DNAH11: variants seen among roughly 807,000 people sequenced by gnomAD.
The protein encoded by DNAH11 is axonemal beta dynein heavy chain 11.
DNAH11 carries 442 observed loss-of-function variants against 526.0 expected under a neutral mutation model. That is an observed-to-expected ratio of 0.84 (90% CI 0.78 to 0.91). The LOEUF (loss-of-function observed/expected upper bound fraction) is 0.91. Among genes scored for constraint, DNAH11 ranks in the 40% least tolerant of loss-of-function variants. The pLI is 0.00. For missense variants in DNAH11, 6,989 were observed against 5,448.7 expected (o/e 1.28, Z -8.90); for synonymous variants, 2,461 against 1,935.9 (o/e 1.27, Z -7.12).
chr7:21,877,782 G>T (rs1446303298), intron 74 of DNAH11, among the ~76,000 whole-genome samples: 1 of 148,134 alleles, frequency 6.8e-6, no homozygotes, highest in Non-Finnish European at 1.5e-5. Context: ...GGCTGAGGCA[G>T]GAGAATGGCA....
chr7:21,751,448 G>C (rs1038174199), intron 54 of DNAH11, among the ~76,000 whole-genome samples: 2 of 152,154 alleles, frequency 1.3e-5, no homozygotes, highest in Admixed American at 6.5e-5. Context: ...GATCAGTAAA[G>C]GTCAAGTATC....
intron 56 of DNAH11, among the ~76,000 whole-genome samples, chr7:21,774,378 G>A (rs1787573119): frequency 6.6e-6 from 1 of 152,084 alleles, no homozygotes; most frequent in Admixed American, 6.6e-5. Context: ...CCTCCAGTGA[G>A]GGCATCATTT....
At chr7:21,700,547 A>ATTGTTGCCCT (rs1278702679) in intron 36 of DNAH11, among the ~76,000 whole-genome samples, 1 of 152,058 alleles carries the variant, frequency 6.6e-6, no homozygotes, top group Non-Finnish European at 1.5e-5. Context: ...GCCACCTCCC[A>ATTGTTGCCCT]TTGTTGCCCT....
At chr7:21,626,406 A>C (rs1210322251) in intron 25 of DNAH11, among the ~76,000 whole-genome samples, 2 of 152,202 alleles carry the variant, frequency 1.3e-5, no homozygotes, top group Non-Finnish European at 2.9e-5. Flanking sequence ...GTAAATTAGT[A>C]CTGCAAAAAA....
intron 70 of DNAH11, among the ~76,000 whole-genome samples, chr7:21,866,026 C>A (rs1314788935): frequency 1.3e-5 from 2 of 152,166 alleles, no homozygotes; most frequent in African/African-American, 4.8e-5. Context: ...TTCCTTACTG[C>A]AAGCTGTTTT....
intron 21 of DNAH11, 50 bp from the exon 22 acceptor site, chr7:21,616,159 T>G (rs370741703): frequency 3.5e-4 from 497 of 1,424,410 alleles, no homozygotes; most frequent in Admixed American, 3.8e-4. Flanking sequence ...CTGCAGAGAC[T>G]TGCTTTCACC....
chr7:21,818,702 TTTTTC>T (rs1475021914), intron 65 of DNAH11, among the ~76,000 whole-genome samples: 5 of 152,170 alleles, frequency 3.3e-5, no homozygotes, highest in African/African-American at 1.2e-4. Context: ...CTGTTTAATG[TTTTTC>T]TTTAATTAGA....
At chr7:21,690,366 C>G (rs571261028) in intron 34 of DNAH11, among the ~76,000 whole-genome samples, 2 of 152,102 alleles carry the variant, frequency 1.3e-5, no homozygotes, top group Admixed American at 1.3e-4. Flanking sequence ...TAAGACTGAG[C>G]AGGACGTCCC....
At chr7:21,682,244 C>T (rs570046404) in intron 31 of DNAH11, among the ~76,000 whole-genome samples, 9 of 152,080 alleles carry the variant, frequency 5.9e-5, no homozygotes, top group South Asian at 4.2e-4. Context: ...TTTAAAAAGT[C>T]GGCCGGGCAT....
chr7:21,609,424 T>G (rs1263602366), intron 20 of DNAH11, among the ~76,000 whole-genome samples: 1 of 152,294 alleles, frequency 6.6e-6, no homozygotes, highest in East Asian at 1.9e-4. Context: ...TTCGCCATGT[T>G]GGCCAGACTG....
chr7:21,884,458 A>T (rs1252214337), intron 76 of DNAH11, 48 bp downstream of exon 76: 7 of 1,550,272 alleles, frequency 4.5e-6, no homozygotes, highest in South Asian at 2.5e-5. Flanking sequence ...CTGAGCAAAA[A>T]ATTCTGGTAA....
chr7:21,609,039 A>G (rs1785413042), intron 20 of DNAH11, among the ~76,000 whole-genome samples: 1 of 152,222 alleles, frequency 6.6e-6, no homozygotes, highest in Non-Finnish European at 1.5e-5. Flanking sequence ...CACAAGACAG[A>G]AAACACTGAC....
chr7:21,820,319 T>C (rs933326151), intron 65 of DNAH11, among the ~76,000 whole-genome samples: 1 of 152,206 alleles, frequency 6.6e-6, no homozygotes, highest in Admixed American at 6.5e-5. Context: ...TCAGTGAATG[T>C]AAAGCAGAAC....
At chr7:21,780,468 C>T (rs1366801437) in intron 57 of DNAH11, among the ~76,000 whole-genome samples, 2 of 152,156 alleles carry the variant, frequency 1.3e-5, no homozygotes, top group Non-Finnish European at 2.9e-5. Context: ...GCTAATTCTA[C>T]CCAGGGAATA....
chr7:21,852,345 C>T lies in DNAH11; in HGVS notation c.10897-122C>T, dbSNP rs558496403. 46 of 960,044 alleles carry T rather than the reference C, an allele frequency of 4.8e-5. No homozygotes were observed. In the East Asian group the frequency reaches 8.7e-4, roughly 18 times the overall value. 59.5% of individuals were successfully genotyped at this position (960,044 alleles called of 1,614,324 possible). On this transcript the variant is annotated intron_variant, in intron 66 of 81. Transcript: ENST00000409508. ...TCGCTTTAACCCAGGAGGCACACGT[C>T]GCAGTGAGCCAAGATCATACCACTG...
intron 62 of DNAH11, among the ~76,000 whole-genome samples, chr7:21,806,217 T>C (rs1002030324): frequency 3.3e-5 from 5 of 152,216 alleles, no homozygotes; most frequent in African/African-American, 1.2e-4. Flanking sequence ...AATCAGTCTA[T>C]GTTTAGTGAA....
intron 42 of DNAH11, among the ~76,000 whole-genome samples, chr7:21,716,056 C>T (rs572190035): frequency 1.3e-5 from 2 of 152,030 alleles, no homozygotes; most frequent in African/African-American, 4.8e-5. Context: ...ACCGCTATTA[C>T]CTGCACCCTA....
chr7:21,622,662 CA>C, intron 25 of DNAH11, among the ~76,000 whole-genome samples: 1 of 152,152 alleles, frequency 6.6e-6, no homozygotes, highest in East Asian at 1.9e-4. Context: ...GAAATAATGC[CA>C]CATATCTACA....
intron 74 of DNAH11, among the ~76,000 whole-genome samples, chr7:21,873,734 T>C (rs561592436): frequency 6.6e-6 from 1 of 150,868 alleles, no homozygotes; most frequent in Admixed American, 6.6e-5. Context: ...TTAAGAAAAC[T>C]TCAGCTACTG....
Sources: gnomAD v4.1 joint callset for allele counts (sites outside exome capture counted in the v4.1 genomes callset) on GRCh38, gnomAD v4.1.1 for gene constraint, MANE v1.5 for transcripts, NCBI Gene and HGNC (gene_info 2026-07-23, HGNC 2026-07-21) for gene names.